The following MGAT4C variants were observed in gnomAD, a reference collection of about 807,000 sequenced individuals.
The protein encoded by MGAT4C is MGAT4 family member C, also known as alpha-1,3-mannosyl-glycoprotein 4-beta-N-acetylglucosaminyltransferase C.
A neutral mutation model predicts 40.1 loss-of-function variants in MGAT4C; 19 were observed. The observed-to-expected ratio is 0.47, with a 90% CI of 0.33 to 0.70. MGAT4C has a LOEUF of 0.70. MGAT4C is among the 30% of genes least tolerant of loss of function. The pLI, the probability that MGAT4C is intolerant of heterozygous loss-of-function variation, is 0.02. For synonymous variants in MGAT4C, 181 were observed against 187.1 expected (o/e 0.97, Z 0.27); for missense variants, 491 against 563.2 (o/e 0.87, Z 1.30).
intron 2 of MGAT4C, among the ~76,000 whole-genome samples, chr12:86,704,010 A>G (rs1381836379): frequency 6.6e-6 from 1 of 152,168 alleles, no homozygotes; most frequent in Non-Finnish European, 1.5e-5. Flanking sequence ...CAATTTGCTT[A>G]AAGTAACCAA....
intron 3 of MGAT4C, among the ~76,000 whole-genome samples, chr12:86,432,735 AT>A (rs1565758854): frequency 6.6e-6 from 1 of 152,166 alleles, no homozygotes; most frequent in Non-Finnish European, 1.5e-5. Context: ...TTGAAAAGTA[AT>A]AAAAACTTTT....
chr12:86,678,290 A>T (rs187621900), intron 2 of MGAT4C, among the ~76,000 whole-genome samples: 130 of 152,096 alleles, frequency 8.5e-4, no homozygotes, highest in African/African-American at 2.9e-3. Flanking sequence ...TCCTCAACTT[A>T]CCTTATTCCA....
At chr12:86,792,513 T>C (rs1318690891) in intron 1 of MGAT4C, among the ~76,000 whole-genome samples, 1 of 152,064 alleles carries the variant, frequency 6.6e-6, no homozygotes, top group Non-Finnish European at 1.5e-5. Flanking sequence ...AAACACATAT[T>C]ACCCCAAAAA....
At chr12:86,781,799 C>T (rs1283985303) in intron 1 of MGAT4C, among the ~76,000 whole-genome samples, 1 of 152,052 alleles carries the variant, frequency 6.6e-6, no homozygotes, top group Non-Finnish European at 1.5e-5. Flanking sequence ...ATTTTTAAAG[C>T]TGGATAATTT....
At chr12:86,500,109 A>G (rs530971791) in intron 2 of MGAT4C, among the ~76,000 whole-genome samples, 1 of 152,054 alleles carries the variant, frequency 6.6e-6, no homozygotes, top group South Asian at 2.1e-4. Context: ...TGCTGAATTC[A>G]TTACACATAT....
chr12:86,825,952 G>C (rs1952798377), intron 1 of MGAT4C, among the ~76,000 whole-genome samples: 1 of 151,372 alleles, frequency 6.6e-6, no homozygotes, highest in Admixed American at 6.6e-5. Flanking sequence ...GTAGTATAAG[G>C]ACAGTTACTG....
chr12:86,711,835 C>A (rs1266127079), intron 2 of MGAT4C, among the ~76,000 whole-genome samples: 2 of 152,032 alleles, frequency 1.3e-5, no homozygotes, highest in Non-Finnish European at 2.9e-5. Context: ...AAATGTGAAA[C>A]CCCTTGTTAA....
intron 1 of MGAT4C, among the ~76,000 whole-genome samples, chr12:86,170,804 A>G (rs1434268204): frequency 1.3e-5 from 2 of 151,904 alleles, no homozygotes; most frequent in East Asian, 3.9e-4. Context: ...AATGGAAAAA[A>G]TAGCTGGGCA....
chr12:86,044,650 G>A (rs7398950), intron 2 of MGAT4C, among the ~76,000 whole-genome samples: 30,626 of 151,912 alleles, frequency 0.2, 3,737 homozygotes, highest in Non-Finnish European at 0.28. Context: ...AGCAGCAGCC[G>A]ATCTGCTGGA....
At chr12:86,191,427 G>C (rs1328487214) in intron 1 of MGAT4C, among the ~76,000 whole-genome samples, 2 of 151,638 alleles carry the variant, frequency 1.3e-5, no homozygotes, top group Admixed American at 1.3e-4. Context: ...TCAAATACAA[G>C]AGGAAAGGTT....
At chr12:86,631,685 G>T (rs1593063082) in intron 2 of MGAT4C, among the ~76,000 whole-genome samples, 1 of 151,942 alleles carries the variant, frequency 6.6e-6, no homozygotes, top group South Asian at 2.1e-4. Context: ...ATGGTGCTGG[G>T]AAAACTGGCT....
At chr12:86,338,443 T>C (rs1954835529) in intron 3 of MGAT4C, among the ~76,000 whole-genome samples, 1 of 152,198 alleles carries the variant, frequency 6.6e-6, no homozygotes, top group Admixed American at 6.5e-5. Context: ...TAATTTCTAA[T>C]CTTGTGGCTA....
chr12:86,755,159 C>T (rs1951281802), intron 1 of MGAT4C, among the ~76,000 whole-genome samples: 1 of 152,138 alleles, frequency 6.6e-6, no homozygotes, highest in South Asian at 2.1e-4. Context: ...TGGCCTCATG[C>T]AATCACTGAA....
intron 2 of MGAT4C, among the ~76,000 whole-genome samples, chr12:86,494,738 A>C (rs1471255319): frequency 1.3e-5 from 2 of 151,968 alleles, no homozygotes; most frequent in Admixed American, 1.3e-4. Flanking sequence ...GCATTCTGAC[A>C]TTTGACTTAC....
chr12:86,714,621 C>T (rs1343099788), intron 2 of MGAT4C, among the ~76,000 whole-genome samples: 1 of 152,096 alleles, frequency 6.6e-6, no homozygotes, highest in East Asian at 1.9e-4. Context: ...CTTTCGCCTT[C>T]CACCATGACT....
At chr12:86,493,998 T>C (rs931120381) in intron 2 of MGAT4C, among the ~76,000 whole-genome samples, 2 of 151,966 alleles carry the variant, frequency 1.3e-5, no homozygotes, top group African/African-American at 4.8e-5. Flanking sequence ...GGACATACAA[T>C]AAAATATCCT....
At chr12:86,051,357 T>C (rs1892872690) in intron 1 of MGAT4C, among the ~76,000 whole-genome samples, 1 of 151,988 alleles carries the variant, frequency 6.6e-6, no homozygotes, top group Admixed American at 6.6e-5. Flanking sequence ...GAATTGCTTA[T>C]TCATCTTTGT....
At chr12:85,997,996 C>G (rs1886824783) in intron 2 of MGAT4C, among the ~76,000 whole-genome samples, 1 of 152,206 alleles carries the variant, frequency 6.6e-6, no homozygotes, top group Admixed American at 6.5e-5. Context: ...TATGAGGGCC[C>G]TGCCCCTGCA....
chr12:86,668,495 A>G (rs1013199704), intron 2 of MGAT4C, among the ~76,000 whole-genome samples: 6 of 152,224 alleles, frequency 3.9e-5, no homozygotes, highest in Non-Finnish European at 8.8e-5. Context: ...ATTATAAGGC[A>G]AAGACACTGG....
Sources: gnomAD v4.1 joint callset for allele counts (sites outside exome capture counted in the v4.1 genomes callset) on GRCh38, gnomAD v4.1.1 for gene constraint, MANE v1.5 for transcripts, NCBI Gene and HGNC (gene_info 2026-07-23, HGNC 2026-07-21) for gene names.